The following PRKCE variants were observed in gnomAD, a reference collection of about 807,000 sequenced individuals.
PRKCE encodes protein kinase C epsilon type.
Under a neutral mutation model 85.4 loss-of-function variants are expected in PRKCE, and 16 were observed. That is an observed-to-expected ratio of 0.19 (90% CI 0.13 to 0.28). The LOEUF (loss-of-function observed/expected upper bound fraction) is 0.28. PRKCE is among the 10% of genes least tolerant of loss of function. The pLI, the probability that PRKCE is intolerant of heterozygous loss-of-function variation, is 1.00. For missense variants in PRKCE, 573 were observed against 975.2 expected, an observed-to-expected ratio of 0.59 and a Z score of 5.49; for synonymous variants, 388 against 371.5, an observed-to-expected ratio of 1.04 and a Z score of -0.51.
rs1051707319 is a variant in PRKCE, at chr2:46,184,196, G to T, written c.2068-539G>T. ...AGTCAATGTGCTGAGTTTAATAATTGAAAAAATACTGGAGCACAAAATTGG... is the reference window on the plus strand; with the variant it reads ...AGTCAATGTGCTGAGTTTAATAATTTAAAAAATACTGGAGCACAAAATTGG... On this transcript the variant is annotated intron_variant, in intron 14 of 14. Transcript: ENST00000306156. This position sits in a 1 kb window ranked among gnomAD's most constrained non-coding sequence, Gnocchi z 5.0. Among the ~76,000 whole-genome samples, 3 of 152,118 alleles carry T rather than the reference G, an allele frequency of 2.0e-5. No individual in the cohort carries two copies. Among genetic ancestry groups the T allele is most frequent in the Non-Finnish European group, 2.9e-5 (2 of 68,008 alleles).
chr2:45,983,871 A>T (rs1703095212), intron 5 of PRKCE, among the ~76,000 whole-genome samples: 1 of 151,744 alleles, frequency 6.6e-6, no homozygotes. Context: ...CGTGTCCACC[A>T]TTGAGCTTCC....
rs1294443991 is a variant in PRKCE at position 45,884,993 on chromosome 2, A to ATTT, written c.412+41931_412+41932insTTT. ...TATATATATATATATATATATATAT[A>ATTT]TATATATATTTGTTGTTGTTGTTGT... On this transcript the variant is annotated intron_variant, in intron 2 of 14. Transcript: ENST00000306156. Among the ~76,000 whole-genome samples, 22 of 68,592 alleles carry ATTT rather than the reference A, an allele frequency of 3.2e-4. 2 individuals carry two copies. In the East Asian group the frequency reaches 0.014, roughly 44 times the overall value. The allele number at this position is 68,592 out of a possible 152,430, so 45.0% of individuals were successfully genotyped here. A position where few individuals can be genotyped will look rare whatever the true frequency, so the allele number is the denominator to read the frequency against.
intron 11 of PRKCE, among the ~76,000 whole-genome samples, chr2:46,142,714 C>T (rs939160056): frequency 6.6e-6 from 1 of 152,252 alleles, no homozygotes; most frequent in African/African-American, 2.4e-5. Context: ...AGTGCAGGGG[C>T]AGGCAAAGAA....
chr2:45,850,760 A>T (rs1193502660), intron 2 of PRKCE, among the ~76,000 whole-genome samples: 1 of 152,166 alleles, frequency 6.6e-6, no homozygotes, highest in Non-Finnish European at 1.5e-5. Context: ...GTGAGCTCAT[A>T]GGGGCCAGTG....
intron 2 of PRKCE, among the ~76,000 whole-genome samples, chr2:45,947,618 C>T (rs1272759463): frequency 6.6e-6 from 1 of 152,198 alleles, no homozygotes; most frequent in Non-Finnish European, 1.5e-5. Flanking sequence ...TGATCTTTGG[C>T]AGCTTGGAGA....
At chr2:45,733,609 T>G (rs566160940) in intron 1 of PRKCE, among the ~76,000 whole-genome samples, 1 of 151,920 alleles carries the variant, frequency 6.6e-6, no homozygotes, top group South Asian at 2.1e-4. Context: ...GTTGAGAGGG[T>G]GAGGTTTGAG....
At chr2:46,045,887 A>C (rs551389948) in intron 10 of PRKCE, among the ~76,000 whole-genome samples, 9 of 152,254 alleles carry the variant, frequency 5.9e-5, no homozygotes, top group African/African-American at 2.2e-4. Flanking sequence ...ATAAAAAAAA[A>C]AGAAGAAGAA....
intron 1 of PRKCE, among the ~76,000 whole-genome samples, chr2:45,673,586 G>C (rs1676279017): frequency 6.6e-6 from 1 of 152,142 alleles, no homozygotes; most frequent in South Asian, 2.1e-4. Context: ...AACTAACATG[G>C]TGAGGAGGAA....
rs528931894 is a variant in PRKCE at position 45,841,639 on chromosome 2, A to G, written c.349-1361A>G. ...TGGCAGCACCCTCACAGACACACCC[A>G]GTAACAATGCTTTGCATCCTTCAGT... On this transcript the variant is annotated intron_variant, in intron 1 of 14. Transcript: ENST00000306156. Among the ~76,000 whole-genome samples, 6 of 152,340 alleles carry G rather than the reference A, an allele frequency of 3.9e-5. No homozygotes were observed. The South Asian group carries it at 1.2e-3, about 32-fold the overall frequency.
At chr2:45,679,946 C>G (rs1456025985) in intron 1 of PRKCE, among the ~76,000 whole-genome samples, 1 of 152,186 alleles carries the variant, frequency 6.6e-6, no homozygotes, top group Non-Finnish European at 1.5e-5. Flanking sequence ...TCTGCCCTGT[C>G]TCCATAATTT....
chr2:46,014,156 C>T (rs182282841), intron 10 of PRKCE, among the ~76,000 whole-genome samples: 144 of 152,294 alleles, frequency 9.5e-4, no homozygotes, highest in Middle Eastern at 3.4e-3. Context: ...TGAGAAAAAG[C>T]AGACAGAACA....
chr2:45,753,288 C>T (rs958383043), intron 1 of PRKCE, among the ~76,000 whole-genome samples: 5 of 152,130 alleles, frequency 3.3e-5, no homozygotes, highest in Admixed American at 2.0e-4. Context: ...TGACAATGTG[C>T]GTTTCTAACA....
At chr2:46,077,321 A>G (rs372720483) in intron 10 of PRKCE, among the ~76,000 whole-genome samples, 1 of 152,318 alleles carries the variant, frequency 6.6e-6, no homozygotes, top group South Asian at 2.1e-4. Context: ...AAGCTTATCA[A>G]GTTGTATACA....
chr2:45,835,755 T>C (rs561443956), intron 1 of PRKCE, among the ~76,000 whole-genome samples: 5 of 152,164 alleles, frequency 3.3e-5, no homozygotes, highest in East Asian at 1.9e-4. Flanking sequence ...CATGCTCAGC[T>C]ATTTTTTTTT....
At chr2:45,991,070 A>C (rs1034816065) in intron 6 of PRKCE, among the ~76,000 whole-genome samples, 2 of 150,484 alleles carry the variant, frequency 1.3e-5, no homozygotes, top group African/African-American at 4.9e-5. Flanking sequence ...GCAGCGGTGC[A>C]ATCTCAGCTC....
intron 1 of PRKCE, among the ~76,000 whole-genome samples, chr2:45,743,715 G>A (rs1173048763): frequency 2.0e-5 from 3 of 152,168 alleles, no homozygotes; most frequent in Admixed American, 6.5e-5. Flanking sequence ...TCAAAACCTT[G>A]CCCTAAGCAG....
At chr2:45,879,237 G>A (rs969002249) in intron 2 of PRKCE, among the ~76,000 whole-genome samples, 4 of 152,150 alleles carry the variant, frequency 2.6e-5, no homozygotes, top group Non-Finnish European at 4.4e-5. Flanking sequence ...GCTTGATGGC[G>A]GGACTTCGAA....
intron 11 of PRKCE, among the ~76,000 whole-genome samples, chr2:46,127,302 T>C (rs1261268348): frequency 6.6e-6 from 1 of 152,214 alleles, no homozygotes; most frequent in Non-Finnish European, 1.5e-5. Flanking sequence ...GTTTTAGTAA[T>C]ATGTTTGATG....
chr2:45,848,393 C>T (rs1247282779), intron 2 of PRKCE, among the ~76,000 whole-genome samples: 1 of 152,172 alleles, frequency 6.6e-6, no homozygotes. Context: ...TTACTGCAAC[C>T]TTTGCCTCCT....
Sources: allele counts gnomAD v4.1 joint callset (sites outside exome capture counted in the v4.1 genomes callset), GRCh38; gene constraint gnomAD v4.1.1; non-coding constraint Gnocchi (gnomAD v3.1); transcripts MANE v1.5; gene names NCBI Gene and HGNC (gene_info 2026-07-23, HGNC 2026-07-21).